The following SLC8A1 variants were observed in gnomAD, a reference collection of about 807,000 sequenced individuals.
The protein encoded by SLC8A1 is sodium/calcium exchanger 1.
A neutral mutation model predicts 68.3 loss-of-function variants in SLC8A1; 18 were observed. The ratio of observed to expected loss-of-function variants is 0.26; its 90% CI spans 0.18 to 0.39. The LOEUF (loss-of-function observed/expected upper bound fraction) is 0.39, where lower values mean the gene tolerates loss of function less well. Ranked by LOEUF, SLC8A1 falls within the 10% of genes least tolerant of loss-of-function variation. SLC8A1 has a pLI of 1.00. For synonymous variants in SLC8A1, 475 were observed against 415.5 expected, an observed-to-expected ratio of 1.14 and a Z score of -1.74; for missense variants, 985 against 1,156.7, an observed-to-expected ratio of 0.85 and a Z score of 2.15.
At chr2:40,172,177 G>A (rs2047615337) in intron 4 of SLC8A1, among the ~76,000 whole-genome samples, 1 of 152,168 alleles carries the variant, frequency 6.6e-6, no homozygotes, top group Admixed American at 6.5e-5. Context: ...GCTTTTCGCT[G>A]TAGACCTAAG....
In SLC8A1 at chr2:40,350,587, C is replaced by CAAAA. The variant is rs572258156; in HGVS notation, c.1808+77882_1808+77885dup. Among the ~76,000 whole-genome samples, 254 of 76,234 alleles carry CAAAA rather than the reference C, an allele frequency of 3.3e-3. 8 individuals carry two copies. The highest frequency in any genetic ancestry group is 4.9e-3 in the Non-Finnish European group (188 of 38,364). 50.0% of individuals were successfully genotyped at this position (76,234 alleles called of 152,430 possible). Reference sequence around the variant, plus strand: ...ATTACTTCTCACGCACCCAGACAAGCAAAAAAAAAAAAAAAAAAAAAAAAA... The same window carrying CAAAA: ...ATTACTTCTCACGCACCCAGACAAGCAAAAAAAAAAAAAAAAAAAAAAAAAAAAA... On this transcript the variant is annotated intron_variant, in intron 2 of 7. Coordinates refer to ENST00000406785, the Ensembl canonical transcript of SLC8A1.
intron 2 of SLC8A1, among the ~76,000 whole-genome samples, chr2:40,212,875 G>C (rs1003988724): frequency 3.6e-4 from 55 of 152,152 alleles, no homozygotes; most frequent in African/African-American, 1.3e-3. Context: ...CCTATGTGTA[G>C]ATTCATAAAT....
intron 7 of SLC8A1, among the ~76,000 whole-genome samples, chr2:40,115,999 C>T (rs978050706): frequency 6.6e-6 from 1 of 152,160 alleles, no homozygotes; most frequent in East Asian, 1.9e-4. Context: ...TTGCAAGGTG[C>T]CATGCGGCTG....
rs182638730 is a variant in SLC8A1 at position 40,438,280 on chromosome 2, G to C, written c.-24-7976C>G. ...ATGTTTGACCTTAAACACTGAAAAAGAATGAGGTCATATACATGCTTTTAT... is the reference window on the plus strand; with the variant it reads ...ATGTTTGACCTTAAACACTGAAAAACAATGAGGTCATATACATGCTTTTAT... On this transcript the variant is annotated intron_variant, in intron 1 of 7. Coordinates refer to ENST00000406785, the Ensembl canonical transcript of SLC8A1. 2.6e-4 allele frequency among the ~76,000 whole-genome samples: 40 copies of C among 152,198 alleles called. No homozygotes were observed. In the East Asian group the frequency reaches 7.4e-3, roughly 28 times the overall value.
At chr2:40,224,164 A>G (rs1385293853) in intron 2 of SLC8A1, among the ~76,000 whole-genome samples, 6 of 152,266 alleles carry the variant, frequency 3.9e-5, no homozygotes, top group African/African-American at 1.4e-4. Context: ...ACTGTAGCCA[A>G]TCACTTAGCA....
chr2:40,219,573 T>C (rs1310635592), intron 2 of SLC8A1, among the ~76,000 whole-genome samples: 1 of 152,218 alleles, frequency 6.6e-6, no homozygotes, highest in Non-Finnish European at 1.5e-5. Flanking sequence ...TCAGCGATAC[T>C]ATCTGGTATA....
At chr2:40,263,363 A>G (rs2064953492) in intron 2 of SLC8A1, among the ~76,000 whole-genome samples, 1 of 152,236 alleles carries the variant, frequency 6.6e-6, no homozygotes, top group South Asian at 2.1e-4. Flanking sequence ...TTTAAAGTTC[A>G]TATGGAACCA....
chr2:40,308,698 C>T (rs935649204), intron 2 of SLC8A1, among the ~76,000 whole-genome samples: 5 of 152,004 alleles, frequency 3.3e-5, no homozygotes, highest in Non-Finnish European at 7.4e-5. Flanking sequence ...ATTGGGCTCG[C>T]AGTTATTTCC....
At chr2:40,345,867 A>G (rs2149425656) in intron 2 of SLC8A1, among the ~76,000 whole-genome samples, 1 of 152,168 alleles carries the variant, frequency 6.6e-6, no homozygotes, top group South Asian at 2.1e-4. Context: ...AAGGGGAGGG[A>G]GAGCATTAGG....
chr2:40,188,909 A>G (rs1200087208), intron 2 of SLC8A1, among the ~76,000 whole-genome samples: 2 of 152,230 alleles, frequency 1.3e-5, no homozygotes, highest in East Asian at 3.8e-4. Flanking sequence ...TGGCTAAAAG[A>G]AACCAATAAT....
exon 8 of SLC8A1, chr2:40,108,387 C>A (rs2034353868): frequency 6.6e-6 from 1 of 152,258 alleles, no homozygotes; most frequent in African/African-American, 2.4e-5. Context: ...TTTCTGGAAA[C>A]TGGGATTTAT....
chr2:40,182,638 G>A (rs2049839679), intron 2 of SLC8A1, among the ~76,000 whole-genome samples: 1 of 152,102 alleles, frequency 6.6e-6, no homozygotes, highest in Non-Finnish European at 1.5e-5. Context: ...CTTATCTTAG[G>A]TGTCTCAAAG....
chr2:40,337,237 G>T (rs1365964635), intron 2 of SLC8A1: 3 of 277,408 alleles, frequency 1.1e-5, no homozygotes, highest in African/African-American at 4.3e-5. Context: ...TTTTGAAATG[G>T]TATTTTGATA....
chr2:40,285,789 T>A (rs534397873), intron 2 of SLC8A1, among the ~76,000 whole-genome samples: 4 of 152,314 alleles, frequency 2.6e-5, no homozygotes, highest in African/African-American at 9.6e-5. Context: ...ATTAGTTAAC[T>A]GAGATAGAAA....
chr2:40,298,336 T>C (rs1028829144), intron 2 of SLC8A1, among the ~76,000 whole-genome samples: 5 of 152,232 alleles, frequency 3.3e-5, no homozygotes, highest in African/African-American at 1.2e-4. Context: ...TTACAATGAC[T>C]ACTTGGCTCT....
At chr2:40,349,692 C>G (rs1168474608) in intron 2 of SLC8A1, among the ~76,000 whole-genome samples, 1 of 152,152 alleles carries the variant, frequency 6.6e-6, no homozygotes, top group Admixed American at 6.6e-5. Context: ...AGAATCAAAG[C>G]TGTGGCCTAC....
In SLC8A1 at chr2:40,386,520, A is replaced by G. The variant is rs556898787; in HGVS notation, c.1808+41953T>C. On this transcript the variant is annotated intron_variant, in intron 2 of 7. Transcript: ENST00000406785. ...TATTTTAGATCAGGATTTTTATTTA[A>G]CATCAAGTAAATGAAAAAAGAGATA... Among the ~76,000 whole-genome samples, 47 of 149,958 alleles carry G rather than the reference A, an allele frequency of 3.1e-4. No individual in the cohort carries two copies. The South Asian group carries it at 9.3e-3, about 30-fold the overall frequency.
intron 2 of SLC8A1, among the ~76,000 whole-genome samples, chr2:40,341,416 A>G (rs1472659115): frequency 1.3e-5 from 2 of 152,176 alleles, no homozygotes; most frequent in Non-Finnish European, 1.5e-5. Flanking sequence ...CATTGAAACT[A>G]TTGTGGAGTC....
At chr2:40,306,091 C>T (rs2072534294) in intron 2 of SLC8A1, among the ~76,000 whole-genome samples, 1 of 152,172 alleles carries the variant, frequency 6.6e-6, no homozygotes, top group Admixed American at 6.5e-5. Flanking sequence ...TGCTCTTATA[C>T]AGATGCATTT....
Sources: gnomAD v4.1 joint callset for allele counts (sites outside exome capture counted in the v4.1 genomes callset) on GRCh38, gnomAD v4.1.1 for gene constraint, MANE v1.5 for transcripts, NCBI Gene and HGNC (gene_info 2026-07-23, HGNC 2026-07-21) for gene names.